The following LHFPL3 variants were observed in gnomAD, a reference collection of about 807,000 sequenced individuals.
LHFPL3 encodes the protein LHFPL tetraspan subfamily member 3 protein.
LHFPL3 carries 5 observed loss-of-function variants against 19.3 expected under a neutral mutation model. The ratio of observed to expected loss-of-function variants is 0.26; its 90% CI spans 0.14 to 0.54. The LOEUF (loss-of-function observed/expected upper bound fraction) is 0.54, where lower values mean the gene tolerates loss of function less well. LHFPL3 is among the 20% of genes least tolerant of loss of function. The pLI is 0.94. For missense variants in LHFPL3, 249 were observed against 307.4 expected, an observed-to-expected ratio of 0.81 and a Z score of 1.42; for synonymous variants, 133 against 126.2, an observed-to-expected ratio of 1.05 and a Z score of -0.36.
At chr7:104,689,944 A>T (rs4339568) in intron 1 of LHFPL3, among the ~76,000 whole-genome samples, 134,751 of 152,254 alleles carry the variant, frequency 0.89, 59,762 homozygotes, top group East Asian at 1. Context: ...GCTGCCTGAC[A>T]GGTAGGGTGA....
At chr7:104,786,413 T>A (rs1447100269) in intron 2 of LHFPL3, 1 of 152,202 alleles carries the variant, frequency 6.6e-6, no homozygotes. Flanking sequence ...AAACTTTGGA[T>A]GAGGTGATAT....
At chr7:104,626,740 G>T (rs773078899) in intron 1 of LHFPL3, among the ~76,000 whole-genome samples, 3 of 152,168 alleles carry the variant, frequency 2.0e-5, no homozygotes, top group Non-Finnish European at 2.9e-5. Flanking sequence ...TTTAGGGTGA[G>T]CAGGCTTATC....
chr7:104,405,085 T>G (rs1430561724), intron 1 of LHFPL3, among the ~76,000 whole-genome samples: 2 of 152,178 alleles, frequency 1.3e-5, no homozygotes, highest in African/African-American at 2.4e-5. Flanking sequence ...GTGTGTAATT[T>G]ATTGATTTGT....
Position 104,908,408 on chromosome 7 carries a change from A to G in LHFPL3, c.*2193A>G, listed in dbSNP as rs1211184011. Among the ~76,000 whole-genome samples, 1 of 152,144 alleles carries G rather than the reference A, an allele frequency of 6.6e-6. No homozygotes were observed. The highest frequency in any genetic ancestry group is 6.5e-5 in the Admixed American group (1 of 15,274). ...TTATCTTTTTAAAAAAAAAACAAAAAAGGTGACTCCCTTTCTCATTCTGTT... is the reference window on the plus strand; with the variant it reads ...TTATCTTTTTAAAAAAAAAACAAAAGAGGTGACTCCCTTTCTCATTCTGTT... On this transcript the variant is annotated 3_prime_UTR_variant, in exon 3 of 3. Transcript: ENST00000424859.
chr7:104,694,088 C>T (rs1435545665), intron 1 of LHFPL3, among the ~76,000 whole-genome samples: 3 of 152,192 alleles, frequency 2.0e-5, no homozygotes, highest in Non-Finnish European at 4.4e-5. Context: ...GTGTTTTCCT[C>T]TCCTTCCCTG....
chr7:104,330,339 A>G (rs550627400), intron 1 of LHFPL3, among the ~76,000 whole-genome samples: 1 of 152,272 alleles, frequency 6.6e-6, no homozygotes, highest in South Asian at 2.1e-4. Context: ...AGGCAGCTAA[A>G]GTTTTCATTT....
At chr7:104,403,444 A>G (rs1293610960) in intron 1 of LHFPL3, among the ~76,000 whole-genome samples, 1 of 152,206 alleles carries the variant, frequency 6.6e-6, no homozygotes, top group Non-Finnish European at 1.5e-5. Context: ...GCCCTTCTCA[A>G]GCCACTGTGT....
intron 1 of LHFPL3, among the ~76,000 whole-genome samples, chr7:104,642,793 G>C (rs1406017401): frequency 1.3e-5 from 2 of 152,186 alleles, no homozygotes; most frequent in Non-Finnish European, 2.9e-5. Flanking sequence ...GAAGGCAGCT[G>C]GTGGAAGCCT....
At chr7:104,674,666 C>T (rs1432118245) in intron 1 of LHFPL3, among the ~76,000 whole-genome samples, 6 of 151,868 alleles carry the variant, frequency 4.0e-5, no homozygotes, top group Admixed American at 2.0e-4. Flanking sequence ...TGCACCCACT[C>T]GGGAAAGGGA....
At chr7:104,525,528 A>G (rs115312862) in intron 1 of LHFPL3, among the ~76,000 whole-genome samples, 2,232 of 152,222 alleles carry the variant, frequency 0.015, 51 homozygotes, top group African/African-American at 0.051. Flanking sequence ...AGCTCAAGGA[A>G]TTAGGCCTCA....
chr7:104,676,314 C>G (rs11762712), intron 1 of LHFPL3, among the ~76,000 whole-genome samples: 75,643 of 152,112 alleles, frequency 0.5, 19,180 homozygotes, highest in South Asian at 0.65. Context: ...AAATCTTTAA[C>G]AGTAACACTA....
At chr7:104,823,718 C>A (rs962201478) in intron 2 of LHFPL3, among the ~76,000 whole-genome samples, 2 of 152,116 alleles carry the variant, frequency 1.3e-5, no homozygotes, top group African/African-American at 4.8e-5. Context: ...CTTGACGGAG[C>A]CTTTCAATTT....
intron 1 of LHFPL3, among the ~76,000 whole-genome samples, chr7:104,348,996 A>C (rs2385234): frequency 0.64 from 96,296 of 151,582 alleles, 31,553 homozygotes; most frequent in East Asian, 0.88. Context: ...TTCTCCTTTG[A>C]CTCCTCCTTT....
chr7:104,539,032 T>C (rs1182237932), intron 1 of LHFPL3, among the ~76,000 whole-genome samples: 4 of 152,302 alleles, frequency 2.6e-5, no homozygotes, highest in South Asian at 2.1e-4. Flanking sequence ...GGAATTAATA[T>C]GGCCTCTACA....
At chr7:104,468,643 A>G (rs1792840023) in intron 1 of LHFPL3, among the ~76,000 whole-genome samples, 1 of 148,106 alleles carries the variant, frequency 6.8e-6, no homozygotes. Context: ...CAAAGTAGAA[A>G]GGTCTTGTAT....
intron 1 of LHFPL3, among the ~76,000 whole-genome samples, chr7:104,674,565 C>T (rs768931554): frequency 6.6e-6 from 1 of 152,008 alleles, no homozygotes; most frequent in Non-Finnish European, 1.5e-5. Context: ...GATGGAGTTT[C>T]ACCATGTTGG....
At chr7:104,494,785 C>T (rs1317753310) in intron 1 of LHFPL3, among the ~76,000 whole-genome samples, 2 of 152,142 alleles carry the variant, frequency 1.3e-5, no homozygotes, top group African/African-American at 4.8e-5. Flanking sequence ...GACTTGGCGA[C>T]AGATAGTCCT....
chr7:104,683,951 G>C (rs1792759797), intron 1 of LHFPL3, among the ~76,000 whole-genome samples: 1 of 152,136 alleles, frequency 6.6e-6, no homozygotes, highest in African/African-American at 2.4e-5. Flanking sequence ...CGATATTTGT[G>C]AAAAGGCATA....
intron 1 of LHFPL3, chr7:104,669,088 A>G (rs2116029293): frequency 6.2e-7 from 1 of 1,612,726 alleles, no homozygotes; most frequent in Non-Finnish European, 8.5e-7. Flanking sequence ...AGAAAATGAA[A>G]CACTCAATAA....
Sources: gnomAD v4.1 joint callset for allele counts (sites outside exome capture counted in the v4.1 genomes callset) on GRCh38, gnomAD v4.1.1 for gene constraint, MANE v1.5 for transcripts, NCBI Gene and HGNC (gene_info 2026-07-23, HGNC 2026-07-21) for gene names.